Variants in BMAL1 observed in about 807,000 individuals in gnomAD.
BMAL1 encodes basic helix-loop-helix ARNT like 1.
At chr11:13,311,190 G>A in the BMAL1 span, among the ~76,000 whole-genome samples, 13 of 152,332 alleles carry the variant, frequency 8.5e-5, no homozygotes, top group African/African-American at 3.1e-4. Flanking sequence ...GAAATGTCCA[G>A]CAGAGAATTG....
At chr11:13,368,075 G>A in the BMAL1 span, among the ~76,000 whole-genome samples, 2 of 152,206 alleles carry the variant, frequency 1.3e-5, no homozygotes, top group African/African-American at 4.8e-5. Flanking sequence ...TTTGGTATCT[G>A]TTGTTCTTTA....
the BMAL1 span, among the ~76,000 whole-genome samples, chr11:13,377,219 G>A: frequency 1.3e-5 from 2 of 152,144 alleles, no homozygotes; most frequent in African/African-American, 4.8e-5. Context: ...AGCCCCCATC[G>A]ATGACTCCCA....
the BMAL1 span, chr11:13,385,919 G>T: frequency 1.4e-6 from 1 of 737,918 alleles, no homozygotes; most frequent in East Asian, 2.8e-5. Context: ...CAGAATAAAA[G>T]TTTAAAATTT....
the BMAL1 span, chr11:13,385,783 C>G: frequency 1.9e-6 from 3 of 1,609,858 alleles, no homozygotes; most frequent in South Asian, 3.3e-5. Flanking sequence ...GATAGTTCTT[C>G]TATTCTTGGT....
At chr11:13,342,289 A>G in the BMAL1 span, among the ~76,000 whole-genome samples, 4 of 152,196 alleles carry the variant, frequency 2.6e-5, no homozygotes, top group African/African-American at 4.8e-5. Context: ...GACCACTCAT[A>G]AGAAAAAGTG....
At chr11:13,288,319 G>A in the BMAL1 span, among the ~76,000 whole-genome samples, 13 of 152,128 alleles carry the variant, frequency 8.5e-5, no homozygotes, top group South Asian at 2.3e-3. Flanking sequence ...GGGAGCTCTC[G>A]ACCACTGGCA....
At chr11:13,278,081 C>T in the BMAL1 span, among the ~76,000 whole-genome samples, 3 of 152,172 alleles carry the variant, frequency 2.0e-5, no homozygotes, top group East Asian at 5.8e-4. Flanking sequence ...CTTAAAGGGC[C>T]CGTGACCGCT....
the BMAL1 span, among the ~76,000 whole-genome samples, chr11:13,311,404 A>C: frequency 5.9e-5 from 9 of 152,192 alleles, no homozygotes; most frequent in Non-Finnish European, 1.3e-4. Context: ...GGCAGCAGAG[A>C]CCAGGGAGAA....
At chr11:13,378,540 T>A in the BMAL1 span, 1 of 1,523,864 alleles carries the variant, frequency 6.6e-7, no homozygotes, top group Non-Finnish European at 8.9e-7. Flanking sequence ...TCAGGAGACA[T>A]TTTTGGTCTT....
the BMAL1 span, among the ~76,000 whole-genome samples, chr11:13,350,693 A>T: frequency 0.041 from 6,287 of 152,302 alleles, 166 homozygotes; most frequent in South Asian, 0.1. Flanking sequence ...GGAAATAAGA[A>T]ATTCCTAAGC....
chr11:13,357,012 C>T, the BMAL1 span: 3 of 1,613,698 alleles, frequency 1.9e-6, no homozygotes, highest in African/African-American at 2.7e-5. This position sits in a 1 kb window ranked among gnomAD's most constrained non-coding sequence, Gnocchi z 4.8. Flanking sequence ...CCATTCATCT[C>T]CAGAGAATTA....
chr11:13,321,185 C>G, the BMAL1 span, among the ~76,000 whole-genome samples: 1 of 152,200 alleles, frequency 6.6e-6, no homozygotes, highest in African/African-American at 2.4e-5. Flanking sequence ...TCAGAGGATA[C>G]CAGTTCACCC....
chr11:13,344,843 T>G, the BMAL1 span, among the ~76,000 whole-genome samples: 1 of 152,156 alleles, frequency 6.6e-6, no homozygotes, highest in Admixed American at 6.5e-5. Flanking sequence ...AGGCACCATG[T>G]AGTGGAGAGT....
At chr11:13,280,770 A>G in the BMAL1 span, among the ~76,000 whole-genome samples, 1 of 152,046 alleles carries the variant, frequency 6.6e-6, no homozygotes, top group African/African-American at 2.4e-5. Flanking sequence ...ATGAAATAAG[A>G]CCTGCTCTGA....
chr11:13,359,019 A>ATCC, the BMAL1 span, among the ~76,000 whole-genome samples: 2 of 152,224 alleles, frequency 1.3e-5, no homozygotes, highest in Admixed American at 6.5e-5. Flanking sequence ...TCCTTTGAAA[A>ATCC]GTGAGTCATG....
chr11:13,364,262 C>G, the BMAL1 span, among the ~76,000 whole-genome samples: 1 of 152,230 alleles, frequency 6.6e-6, no homozygotes, highest in Non-Finnish European at 1.5e-5. Context: ...AGGGACCTAA[C>G]TTAGGAAAGG....
At chr11:13,303,802 G>A in the BMAL1 span, among the ~76,000 whole-genome samples, 1 of 152,206 alleles carries the variant, frequency 6.6e-6, no homozygotes. Context: ...TCAGTCACAT[G>A]TTCACTCCTG....
the BMAL1 span, chr11:13,378,247 G>C: frequency 7.0e-7 from 1 of 1,437,540 alleles, no homozygotes; most frequent in African/African-American, 1.5e-5. Context: ...ACTGCAAATG[G>C]ATCATGGGAT....
the BMAL1 span, among the ~76,000 whole-genome samples, chr11:13,377,882 A>T: frequency 6.6e-6 from 1 of 152,038 alleles, no homozygotes; most frequent in Non-Finnish European, 1.5e-5. Context: ...ATCTCTCAAG[A>T]CTCAGCTCGG....
Sources: gnomAD v4.1 joint callset for allele counts (sites outside exome capture counted in the v4.1 genomes callset) on GRCh38, gnomAD v4.1.1 for gene constraint, Gnocchi (gnomAD v3.1) non-coding constraint, MANE v1.5 for transcripts, NCBI Gene and HGNC (gene_info 2026-07-23, HGNC 2026-07-21) for gene names.